The following RBFOX1 variants were observed in gnomAD, a reference collection of about 807,000 sequenced individuals.
The protein encoded by RBFOX1 is RNA binding fox-1 homolog 1.
RBFOX1 carries 8 observed loss-of-function variants against 57.7 expected under a neutral mutation model. The observed-to-expected ratio is 0.14, with a 90% CI of 0.08 to 0.25. The LOEUF (loss-of-function observed/expected upper bound fraction) is 0.25, where lower values mean the gene tolerates loss of function less well. Among genes scored for constraint, RBFOX1 ranks in the 10% least tolerant of loss-of-function variants. The pLI is 1.00. For synonymous variants in RBFOX1, 326 were observed against 222.4 expected, an observed-to-expected ratio of 1.47 and a Z score of -4.15; for missense variants, 611 against 548.5, an observed-to-expected ratio of 1.11 and a Z score of -1.14.
intron 2 of RBFOX1, among the ~76,000 whole-genome samples, chr16:6,582,398 T>A (rs149641593): frequency 6.6e-6 from 1 of 152,230 alleles, no homozygotes; most frequent in African/African-American, 2.4e-5. Flanking sequence ...TAATGTTGCA[T>A]TTTGGAGAAA....
chr16:6,111,058 G>T (rs940950437), intron 1 of RBFOX1, among the ~76,000 whole-genome samples: 4 of 152,192 alleles, frequency 2.6e-5, no homozygotes, highest in Admixed American at 6.5e-5. Flanking sequence ...GTGGAATGGG[G>T]AGGTCAGACC....
At chr16:5,681,560 T>A (rs181523379) in intron 3 of RBFOX1, among the ~76,000 whole-genome samples, 1 of 151,530 alleles carries the variant, frequency 6.6e-6, no homozygotes, top group South Asian at 2.1e-4. Context: ...AGCTAATTTT[T>A]TTTTGCATTT....
chr16:6,755,920 G>C lies in RBFOX1; in HGVS notation c.-16+101270G>C, dbSNP rs561055218. On this transcript the variant is annotated intron_variant, in intron 3 of 15. Transcript: ENST00000550418. Reference sequence around the variant, plus strand: ...GCAGCAGATGCACTTTTTCCATGTAGAAACATCCTGTGTGTTAAGACCGAA... The same window carrying C: ...GCAGCAGATGCACTTTTTCCATGTACAAACATCCTGTGTGTTAAGACCGAA... 1.4e-4 allele frequency among the ~76,000 whole-genome samples: 22 copies of C among 152,174 alleles called. No homozygotes were observed. The South Asian group carries it at 1.7e-3, about 11-fold the overall frequency.
intron 3 of RBFOX1, among the ~76,000 whole-genome samples, chr16:6,763,671 G>A (rs1457430409): frequency 2.6e-5 from 4 of 152,138 alleles, no homozygotes; most frequent in Admixed American, 6.6e-5. Flanking sequence ...AAAGTATCGG[G>A]TCTGTTTTAG....
At chr16:5,450,823 T>C (rs115027614) in intron 1 of RBFOX1, among the ~76,000 whole-genome samples, 1,901 of 152,192 alleles carry the variant, frequency 0.012, 53 homozygotes, top group African/African-American at 0.043. Flanking sequence ...GCTAGAAGTG[T>C]GCACCAGATG....
chr16:7,680,934 G>T (rs2074572021), intron 14 of RBFOX1, among the ~76,000 whole-genome samples: 1 of 152,142 alleles, frequency 6.6e-6, no homozygotes, highest in African/African-American at 2.4e-5. Flanking sequence ...GTGCCTTGGG[G>T]CCTCACAAGG....
At chr16:6,004,464 T>C (rs950468928) in intron 4 of RBFOX1, among the ~76,000 whole-genome samples, 2 of 152,178 alleles carry the variant, frequency 1.3e-5, no homozygotes, top group Non-Finnish European at 2.9e-5. Context: ...ACTTAAAAAA[T>C]GGGTCAGTGT....
At chr16:5,778,654 C>A (rs2054227314) in intron 3 of RBFOX1, among the ~76,000 whole-genome samples, 1 of 152,134 alleles carries the variant, frequency 6.6e-6, no homozygotes, top group Non-Finnish European at 1.5e-5. Flanking sequence ...TTGCATCTGT[C>A]CACAGCCAGG....
intron 1 of RBFOX1, among the ~76,000 whole-genome samples, chr16:6,121,379 G>A (rs1393536313): frequency 6.6e-6 from 1 of 152,170 alleles, no homozygotes; most frequent in East Asian, 1.9e-4. Context: ...AGTGTGCTGA[G>A]TGTGCTGTGG....
At chr16:6,852,802 C>G (rs1403399223) in intron 3 of RBFOX1, among the ~76,000 whole-genome samples, 3 of 151,474 alleles carry the variant, frequency 2.0e-5, no homozygotes, top group Admixed American at 6.6e-5. Flanking sequence ...AACTAGCTGT[C>G]CAGGTGAGAT....
chr16:6,156,506 C>G (rs1370373369), intron 1 of RBFOX1, among the ~76,000 whole-genome samples: 1 of 152,218 alleles, frequency 6.6e-6, no homozygotes, highest in South Asian at 2.1e-4. Flanking sequence ...TTGATCTTCA[C>G]AGAGCTATAG....
chr16:6,854,305 T>C (rs1167276578), intron 3 of RBFOX1, among the ~76,000 whole-genome samples: 1 of 152,134 alleles, frequency 6.6e-6, no homozygotes, highest in Non-Finnish European at 1.5e-5. Context: ...TCAATATGAC[T>C]GTATTAGGAA....
intron 4 of RBFOX1, among the ~76,000 whole-genome samples, chr16:7,501,628 C>T (rs1205371259): frequency 2.6e-5 from 4 of 152,192 alleles, no homozygotes; most frequent in Admixed American, 2.6e-4. Flanking sequence ...TTTGATTCTG[C>T]CACTCAGACT....
chr16:6,250,570 T>C (rs1222212502), intron 1 of RBFOX1, among the ~76,000 whole-genome samples: 2 of 152,182 alleles, frequency 1.3e-5, no homozygotes, highest in Non-Finnish European at 1.5e-5. Flanking sequence ...CCCTAGTTAA[T>C]TTTCATGCAG....
At position 7,413,606 on chromosome 16, in the gene RBFOX1, GC is replaced by G. The variant is rs1597821454; in HGVS notation, c.28-104537del. 2.0e-5 allele frequency among the ~76,000 whole-genome samples: 3 copies of G among 151,942 alleles called. No homozygotes were observed. The East Asian group carries it at 5.8e-4, about 29-fold the overall frequency. Reference sequence around the variant, plus strand: ...GCTGCCACCCCCCTGCCCCCTGCCTGCCCCTTTGCTTGTCCTCTTGCTATTC... The same window carrying G: ...GCTGCCACCCCCCTGCCCCCTGCCTGCCCTTTGCTTGTCCTCTTGCTATTC... On this transcript the variant is annotated intron_variant, in intron 4 of 15. Coordinates refer to ENST00000550418, the MANE Select transcript of RBFOX1 (RefSeq NM_018723.4).
chr16:7,051,627 C>G (rs2050116399), intron 3 of RBFOX1, among the ~76,000 whole-genome samples: 1 of 152,172 alleles, frequency 6.6e-6, no homozygotes. Flanking sequence ...ACTACTGGCC[C>G]TAAACATTGG....
chr16:6,942,126 C>G (rs146622682), intron 3 of RBFOX1, among the ~76,000 whole-genome samples: 1 of 152,108 alleles, frequency 6.6e-6, no homozygotes, highest in Non-Finnish European at 1.5e-5. Flanking sequence ...GTAATCCCAG[C>G]TACTTGGGAG....
chr16:5,433,921 T>C (rs2067831725), intron 1 of RBFOX1, among the ~76,000 whole-genome samples: 1 of 152,198 alleles, frequency 6.6e-6, no homozygotes, highest in Non-Finnish European at 1.5e-5. Context: ...GTGCTTCCAC[T>C]GTGCAGTCAC....
At chr16:5,729,882 C>T (rs1019299276) in intron 3 of RBFOX1, among the ~76,000 whole-genome samples, 4 of 152,174 alleles carry the variant, frequency 2.6e-5, no homozygotes, top group African/African-American at 9.7e-5. Flanking sequence ...AATCCTAGCC[C>T]CGAGAGCTGC....
Sources: allele counts gnomAD v4.1 joint callset (sites outside exome capture counted in the v4.1 genomes callset), GRCh38; gene constraint gnomAD v4.1.1; transcripts MANE v1.5; gene names NCBI Gene and HGNC (gene_info 2026-07-23, HGNC 2026-07-21).